OMA1: variants seen among roughly 807,000 people sequenced by gnomAD.
The protein encoded by OMA1 is OMA1 zinc metallopeptidase.
Under a neutral mutation model 30.9 loss-of-function variants are expected in OMA1, and 38 were observed. The observed-to-expected ratio is 1.23, with a 90% CI of 0.95 to 1.61. OMA1 has a LOEUF of 1.61. OMA1 is among the 40% of genes most tolerant of loss of function. The probability of loss-of-function intolerance (pLI) is 0.00; values close to 1 mark genes in which losing one functional copy is unlikely to be tolerated. For synonymous variants in OMA1, 173 were observed against 121.9 expected (o/e 1.42, Z -2.76); for missense variants, 461 against 349.2 (o/e 1.32, Z -2.55).
chr1:58,492,177 C>T (rs566901824), intron 8 of OMA1, among the ~76,000 whole-genome samples: 3 of 152,124 alleles, frequency 2.0e-5, no homozygotes, highest in Admixed American at 6.5e-5. Flanking sequence ...GGGTACATAA[C>T]GAAATGAAGG....
At chr1:58,523,320 T>C (rs116226504) in intron 7 of OMA1, among the ~76,000 whole-genome samples, 386 of 152,368 alleles carry the variant, frequency 2.5e-3, no homozygotes, top group African/African-American at 9.0e-3. Context: ...AACAATTTAT[T>C]ATTTCAGGCT....
chr1:58,543,457 C>A (rs753349688), intron 1 of OMA1, among the ~76,000 whole-genome samples: 3 of 152,162 alleles, frequency 2.0e-5, no homozygotes, highest in Admixed American at 6.5e-5. Context: ...CTACCTCCTT[C>A]TTATCTCATT....
chr1:58,520,433 G>C (rs1646244340), intron 7 of OMA1, among the ~76,000 whole-genome samples: 1 of 151,902 alleles, frequency 6.6e-6, no homozygotes, highest in Non-Finnish European at 1.5e-5. Context: ...AATTCACAAA[G>C]GAATATAAAT....
intron 8 of OMA1, among the ~76,000 whole-genome samples, chr1:58,499,576 A>G (rs189759135): frequency 2.0e-5 from 3 of 151,960 alleles, no homozygotes; most frequent in Admixed American, 6.6e-5. Flanking sequence ...CTGGAGATCT[A>G]CTACACAGCA....
intron 8 of OMA1, among the ~76,000 whole-genome samples, chr1:58,489,661 C>A (rs929374700): frequency 6.6e-6 from 1 of 152,162 alleles, no homozygotes; most frequent in African/African-American, 2.4e-5. Context: ...GGGTCCCTGA[C>A]CCCTGAGTAG....
intron 2 of OMA1, 84 bp from the exon 3 acceptor site, chr1:58,536,825 C>T (rs1346453854): frequency 1.1e-5 from 8 of 731,554 alleles, no homozygotes; most frequent in Middle Eastern, 2.4e-4. Context: ...TAGAATTTTA[C>T]GTCCTCAAAT....
At chr1:58,491,793 T>C (rs1399282900) in intron 8 of OMA1, among the ~76,000 whole-genome samples, 2 of 152,226 alleles carry the variant, frequency 1.3e-5, no homozygotes, top group African/African-American at 2.4e-5. Flanking sequence ...CAAAGTGACT[T>C]AGACTCCCAC....
intron 8 of OMA1, among the ~76,000 whole-genome samples, chr1:58,483,779 G>A (rs1413547204): frequency 6.6e-6 from 1 of 152,210 alleles, no homozygotes; most frequent in Non-Finnish European, 1.5e-5. Context: ...CATCAGGCAT[G>A]AGCCATGACT....
chr1:58,543,386 T>G (rs888389441), intron 1 of OMA1, among the ~76,000 whole-genome samples: 3 of 152,216 alleles, frequency 2.0e-5, no homozygotes, highest in African/African-American at 7.2e-5. Flanking sequence ...TACTGGATTA[T>G]CTCTACAGCA....
chr1:58,536,675 C>A lies in OMA1; in HGVS notation c.567G>T (p.Arg189Ser). The change falls in exon 3 of 9, where the codon AGG becomes AGT. Residue 189 changes from arginine (R) to serine (S), a missense_variant. Arg to Ser is a moderately radical substitution (Grantham distance 110). Transcript: ENST00000371226. ...NKKEVVKENI[R>S]KNKWKLFLGL... ...CAAGGAATAGCTTCCATTTATTCTT[C>A]CTTATATTTTCTTTAACTACTTCCT... is the stretch of plus-strand genomic sequence containing the variant. 1 of 872,778 alleles carries A rather than the reference C, an allele frequency of 1.1e-6. No homozygotes were observed. The allele number at this position is 872,778 out of a possible 1,614,324, so 54.1% of individuals were successfully genotyped here.
At chr1:58,493,669 T>A (rs1645741473) in intron 8 of OMA1, among the ~76,000 whole-genome samples, 1 of 151,622 alleles carries the variant, frequency 6.6e-6, no homozygotes, top group Admixed American at 6.6e-5. Context: ...CATTCACAAT[T>A]GCTTCAAAGA....
At chr1:58,531,248 A>C (rs191291720) in intron 5 of OMA1, among the ~76,000 whole-genome samples, 3 of 152,336 alleles carry the variant, frequency 2.0e-5, no homozygotes, top group Non-Finnish European at 2.9e-5. Flanking sequence ...AAACAAGAAA[A>C]AATTCAGAAA....
chr1:58,489,278 G>T (rs549831197), intron 8 of OMA1, among the ~76,000 whole-genome samples: 1 of 152,160 alleles, frequency 6.6e-6, no homozygotes, highest in African/African-American at 2.4e-5. Flanking sequence ...TTAGCAAACG[G>T]CACACCAGGA....
chr1:58,505,802 A>G (rs529755373), intron 8 of OMA1, among the ~76,000 whole-genome samples: 1 of 152,324 alleles, frequency 6.6e-6, no homozygotes, highest in African/African-American at 2.4e-5. Context: ...GTCAGTTAAA[A>G]TTAAAGTCTC....
At chr1:58,524,446 T>C (rs1419041698) in intron 7 of OMA1, among the ~76,000 whole-genome samples, 1 of 152,234 alleles carries the variant, frequency 6.6e-6, no homozygotes, top group East Asian at 1.9e-4. Context: ...TATAATGACT[T>C]TGCTTTTTCT....
In OMA1 at chr1:58,480,931, T is replaced by C. The variant is rs775119168; in HGVS notation, c.*34A>G. The C allele has an allele frequency of 4.8e-6, 4 of 834,716 alleles. No homozygotes were observed. Among genetic ancestry groups the C allele is most frequent in the Non-Finnish European group, 8.2e-6 (4 of 485,384 alleles). 51.7% of individuals were successfully genotyped at this position (834,716 alleles called of 1,614,324 possible). Reference sequence around the variant, plus strand: ...ACATAAAATGATAAGGACTGCAACATTCTTCATATATCTTGTGTCTCATAA... The same window carrying C: ...ACATAAAATGATAAGGACTGCAACACTCTTCATATATCTTGTGTCTCATAA... On this transcript the variant is annotated 3_prime_UTR_variant, in exon 9 of 9. Transcript: ENST00000371226.
intron 1 of OMA1, among the ~76,000 whole-genome samples, chr1:58,543,959 T>C (rs1646662537): frequency 6.6e-6 from 1 of 152,214 alleles, no homozygotes; most frequent in Non-Finnish European, 1.5e-5. Context: ...CTCAGTTAAA[T>C]GGCCATATGT....
intron 5 of OMA1, among the ~76,000 whole-genome samples, chr1:58,532,346 A>G (rs1380700617): frequency 6.6e-6 from 1 of 152,194 alleles, no homozygotes; most frequent in Admixed American, 6.5e-5. Context: ...TACACTGAAT[A>G]TAAGGCACTG....
chr1:58,530,103 A>G (rs1002047344), intron 6 of OMA1, among the ~76,000 whole-genome samples: 6 of 152,082 alleles, frequency 3.9e-5, no homozygotes, highest in Non-Finnish European at 8.8e-5. Flanking sequence ...GGATGGTCTC[A>G]ATCTCCTGAC....
Sources: allele counts gnomAD v4.1 joint callset (sites outside exome capture counted in the v4.1 genomes callset), GRCh38; gene constraint gnomAD v4.1.1; transcripts MANE v1.5; gene names NCBI Gene and HGNC (gene_info 2026-07-23, HGNC 2026-07-21).